Variants in KIRREL3 observed in about 807,000 individuals in gnomAD.
KIRREL3 encodes the protein kin of IRRE-like protein 3.
KIRREL3 carries 36 observed loss-of-function variants against 89.7 expected under a neutral mutation model. The ratio of observed to expected loss-of-function variants is 0.40; its 90% CI spans 0.31 to 0.53. KIRREL3 has a LOEUF of 0.53. Among genes scored for constraint, KIRREL3 ranks in the 20% least tolerant of loss-of-function variants. The probability of loss-of-function intolerance (pLI) is 0.49; values close to 1 mark genes in which losing one functional copy is unlikely to be tolerated. For synonymous variants in KIRREL3, 445 were observed against 441.4 expected, an observed-to-expected ratio of 1.01 and a Z score of -0.10; for missense variants, 864 against 1,056.6, an observed-to-expected ratio of 0.82 and a Z score of 2.53.
intron 5 of KIRREL3, among the ~76,000 whole-genome samples, chr11:126,470,058 A>G (rs1956842797): frequency 6.6e-6 from 1 of 152,224 alleles, no homozygotes; most frequent in Admixed American, 6.5e-5. Context: ...GCTGTGCAGT[A>G]GTATGGTACC....
chr11:126,460,451 C>T (rs561291503), intron 6 of KIRREL3, among the ~76,000 whole-genome samples: 31 of 152,126 alleles, frequency 2.0e-4, no homozygotes, highest in South Asian at 2.1e-4. Flanking sequence ...GTTAACTAAC[C>T]GGGTCAGTGC....
In KIRREL3 at chr11:126,641,884, C is replaced by T. The variant is rs1435993798; in HGVS notation, c.56-78972G>A. Among the ~76,000 whole-genome samples the T allele has an allele frequency of 6.6e-6, 1 of 152,202 alleles. No homozygotes were observed. The highest frequency in any genetic ancestry group is 2.4e-5 in the African/African-American group (1 of 41,440). On this transcript the variant is annotated intron_variant, in intron 1 of 16. Transcript: ENST00000525144. The surrounding 1 kb of genome is among the most constrained non-coding windows in gnomAD (Gnocchi z 5.0). Reference sequence around the variant, plus strand: ...AGTCCCCTTGCTTACATGTGCACATCCTCAACTTCCACTCTTTCTCAGGTC... The same window carrying T: ...AGTCCCCTTGCTTACATGTGCACATTCTCAACTTCCACTCTTTCTCAGGTC...
chr11:126,686,204 G>C lies in KIRREL3; in HGVS notation c.56-123292C>G, dbSNP rs554459570. On this transcript the variant is annotated intron_variant, in intron 1 of 16. Coordinates refer to ENST00000525144, the MANE Select transcript of KIRREL3 (RefSeq NM_032531.4). This position sits in a 1 kb window ranked among gnomAD's most constrained non-coding sequence, Gnocchi z 4.7. Reference sequence around the variant, plus strand: ...TCCTCCACAGCCCACCCACCTGCAGGGGCTTTCTCACGTGTGGCGCGGGTG... The same window carrying C: ...TCCTCCACAGCCCACCCACCTGCAGCGGCTTTCTCACGTGTGGCGCGGGTG... Among the ~76,000 whole-genome samples the C allele has an allele frequency of 2.0e-5, 3 of 152,262 alleles. No homozygotes were observed. The highest frequency in any genetic ancestry group is 4.8e-5 in the African/African-American group (2 of 41,556).
intron 1 of KIRREL3, among the ~76,000 whole-genome samples, chr11:126,845,175 T>C (rs1215168557): frequency 6.6e-6 from 1 of 152,250 alleles, no homozygotes; most frequent in South Asian, 2.1e-4. Flanking sequence ...ACATGTATTT[T>C]GCTCTGGAAA....
chr11:126,792,255 C>T (rs1592135327), intron 1 of KIRREL3, among the ~76,000 whole-genome samples: 1 of 152,328 alleles, frequency 6.6e-6, no homozygotes, highest in East Asian at 1.9e-4. Context: ...ATGGCCACCT[C>T]ACAGTGTTGT....
Position 126,908,126 on chromosome 11 carries a change from C to T in KIRREL3, c.55+92329G>A, listed in dbSNP as rs144012822. On this transcript the variant is annotated intron_variant, in intron 1 of 16. Coordinates refer to ENST00000525144, the MANE Select transcript of KIRREL3 (RefSeq NM_032531.4). The surrounding 1 kb of genome is among the most constrained non-coding windows in gnomAD (Gnocchi z 4.2). ...TGTTGTTTATGATCCTGCCCCCTCCCGTCAGAATGCAAGTCCTATGAAGGC... is the reference window on the plus strand; with the variant it reads ...TGTTGTTTATGATCCTGCCCCCTCCTGTCAGAATGCAAGTCCTATGAAGGC... 2.1e-4 allele frequency among the ~76,000 whole-genome samples: 32 copies of T among 152,254 alleles called. No individual in the cohort carries two copies. The highest frequency in any genetic ancestry group is 1.9e-3 in the East Asian group (10 of 5,182).
At chr11:126,952,006 A>T (rs904251628) in intron 1 of KIRREL3, among the ~76,000 whole-genome samples, 1 of 152,258 alleles carries the variant, frequency 6.6e-6, no homozygotes, top group Admixed American at 6.5e-5. Flanking sequence ...ACTTAGGAGA[A>T]ATAGATGTGT....
chr11:126,948,072 T>C lies in KIRREL3; in HGVS notation c.55+52383A>G, dbSNP rs569400662. On this transcript the variant is annotated intron_variant, in intron 1 of 16. Transcript: ENST00000525144. The surrounding 1 kb of genome is among the most constrained non-coding windows in gnomAD (Gnocchi z 4.5). ...CATAAGAGATGTTAAATACAAATTG[T>C]TCATTAAAATACATATTATTGGATG... is the stretch of plus-strand genomic sequence containing the variant. Among the ~76,000 whole-genome samples the C allele has an allele frequency of 6.6e-6, 1 of 152,362 alleles. No homozygotes were observed. Among genetic ancestry groups the C allele is most frequent in the African/African-American group, 2.4e-5 (1 of 41,594 alleles).
chr11:126,892,270 C>T lies in KIRREL3; in HGVS notation c.55+108185G>A, dbSNP rs147787277. Among the ~76,000 whole-genome samples, 8 of 152,296 alleles carry T rather than the reference C, an allele frequency of 5.3e-5. No individual in the cohort carries two copies. The East Asian group carries it at 1.4e-3, about 26-fold the overall frequency. ...CCTGCTCTGTTTTCTTCATCCCCTT[C>T]GTACCCTCCTGCTCAGCAGAAGCTG... is the stretch of plus-strand genomic sequence containing the variant. On this transcript the variant is annotated intron_variant, in intron 1 of 16. Transcript: ENST00000525144. The surrounding 1 kb of genome is among the most constrained non-coding windows in gnomAD (Gnocchi z 5.4).
rs547712466 is a variant in KIRREL3, at chr11:126,736,727, T to C, written c.56-173815A>G. 2.0e-5 allele frequency among the ~76,000 whole-genome samples: 3 copies of C among 152,276 alleles called. No homozygotes were observed. Among genetic ancestry groups the C allele is most frequent in the Admixed American group, 2.0e-4 (3 of 15,290 alleles). ...TCGTGCTGAGGTTGAGAAACCCTGG[T>C]CTAGACCAATCTCCTGATTTTACAG... is the stretch of plus-strand genomic sequence containing the variant. On this transcript the variant is annotated intron_variant, in intron 1 of 16. Coordinates refer to ENST00000525144, the MANE Select transcript of KIRREL3 (RefSeq NM_032531.4). The surrounding 1 kb of genome is among the most constrained non-coding windows in gnomAD (Gnocchi z 5.0).
intron 1 of KIRREL3, among the ~76,000 whole-genome samples, chr11:126,813,609 A>G (rs990653512): frequency 2.6e-5 from 4 of 152,194 alleles, no homozygotes; most frequent in African/African-American, 9.7e-5. Flanking sequence ...AACCATTTTG[A>G]CTAACATTAA....
intron 1 of KIRREL3, among the ~76,000 whole-genome samples, chr11:126,654,828 T>C (rs1945065688): frequency 6.6e-6 from 1 of 152,118 alleles, no homozygotes; most frequent in Non-Finnish European, 1.5e-5. Context: ...CAACCTTGAG[T>C]GTTTTAACGA....
chr11:126,459,178 A>T lies in KIRREL3; in HGVS notation c.743-2724T>A, dbSNP rs951774033. 6.6e-6 allele frequency among the ~76,000 whole-genome samples: 1 copy of T among 152,074 alleles called. No homozygotes were observed. The highest frequency in any genetic ancestry group is 1.5e-5 in the Non-Finnish European group (1 of 68,006). On this transcript the variant is annotated intron_variant, in intron 6 of 16. Coordinates refer to ENST00000525144, the MANE Select transcript of KIRREL3 (RefSeq NM_032531.4). This position sits in a 1 kb window ranked among gnomAD's most constrained non-coding sequence, Gnocchi z 4.8. ...TTGAGGAGGTGAGTGCCAGTCCCAT[A>T]GGCTCAAGGGACCCGCCACAGAACT...
intron 1 of KIRREL3, among the ~76,000 whole-genome samples, chr11:126,660,902 C>A (rs997187199): frequency 2.1e-4 from 32 of 152,238 alleles, no homozygotes; most frequent in African/African-American, 7.5e-4. Flanking sequence ...CTGTGTTTTG[C>A]TTTGACTTTT....
intron 9 of KIRREL3, among the ~76,000 whole-genome samples, chr11:126,446,268 CTCTT>C (rs1009006967): frequency 3.2e-5 from 3 of 93,416 alleles, no homozygotes; most frequent in African/African-American, 1.3e-4. Flanking sequence ...TTCTTTCTCT[CTCTT>C]TCTTTTCTTT....
intron 1 of KIRREL3, among the ~76,000 whole-genome samples, chr11:126,819,655 G>A (rs1943139890): frequency 6.6e-6 from 1 of 152,238 alleles, no homozygotes; most frequent in Non-Finnish European, 1.5e-5. Context: ...GAGGAGGCAG[G>A]AACGCTCACA....
chr11:126,612,129 A>G lies in KIRREL3; in HGVS notation c.56-49217T>C, dbSNP rs1943158151. 6.6e-6 allele frequency among the ~76,000 whole-genome samples: 1 copy of G among 152,204 alleles called. No individual in the cohort carries two copies. The highest frequency in any genetic ancestry group is 1.5e-5 in the Non-Finnish European group (1 of 68,052). On this transcript the variant is annotated intron_variant, in intron 1 of 16. Coordinates refer to ENST00000525144, the MANE Select transcript of KIRREL3 (RefSeq NM_032531.4). The surrounding 1 kb of genome is among the most constrained non-coding windows in gnomAD (Gnocchi z 4.5). Reference sequence around the variant, plus strand: ...CTCCTGCTGAAATATCAACTCCAAGAGGGCAAGGAGTGTGTCTATTTGTTC... The same window carrying G: ...CTCCTGCTGAAATATCAACTCCAAGGGGGCAAGGAGTGTGTCTATTTGTTC...
chr11:126,717,577 C>A (rs1419323304), intron 1 of KIRREL3, among the ~76,000 whole-genome samples: 3 of 152,206 alleles, frequency 2.0e-5, no homozygotes, highest in African/African-American at 4.8e-5. Flanking sequence ...CACACCTTGT[C>A]CTCCATCCTC....
intron 1 of KIRREL3, among the ~76,000 whole-genome samples, chr11:126,670,880 A>G (rs180974318): frequency 6.6e-6 from 1 of 152,346 alleles, no homozygotes; most frequent in African/African-American, 2.4e-5. Flanking sequence ...ACAATACTAA[A>G]TAAGAAATAA....
Sources: allele counts gnomAD v4.1 joint callset (sites outside exome capture counted in the v4.1 genomes callset), GRCh38; gene constraint gnomAD v4.1.1; non-coding constraint Gnocchi (gnomAD v3.1); transcripts MANE v1.5; gene names NCBI Gene and HGNC (gene_info 2026-07-23, HGNC 2026-07-21).